CYP2C19: variants seen among roughly 807,000 people sequenced by gnomAD.
CYP2C19 encodes cytochrome P450 2C19.
In CYP2C19, 59 loss-of-function variants were observed where a neutral mutation model predicts 40.9. That is an observed-to-expected ratio of 1.44 (90% confidence interval 1.17 to 1.79). The LOEUF (loss-of-function observed/expected upper bound fraction) is 1.79. CYP2C19 is among the 40% of genes most tolerant of loss of function. The pLI, the probability that CYP2C19 is intolerant of heterozygous loss-of-function variation, is 0.00. For synonymous variants in CYP2C19, 253 were observed against 208.7 expected (o/e 1.21, Z -1.83); for missense variants, 754 against 596.9 (o/e 1.26, Z -2.74).
intron 1 of CYP2C19, among the ~76,000 whole-genome samples, chr10:94,766,482 G>A (rs984512437): frequency 3.3e-5 from 5 of 152,100 alleles, no homozygotes; most frequent in African/African-American, 1.2e-4. Flanking sequence ...CATCCCAGCA[G>A]GAGCTACAGT....
chr10:94,811,086 T>C (rs1397882790), intron 5 of CYP2C19, among the ~76,000 whole-genome samples: 4 of 152,208 alleles, frequency 2.6e-5, no homozygotes, highest in African/African-American at 9.6e-5. Context: ...CACTGTGTCC[T>C]TGTTCTCATT....
Position 94,820,502 on chromosome 10 carries a change from C to T in CYP2C19, c.826C>T (p.Gln276Ter). 2 of 1,614,084 alleles carry T rather than the reference C, an allele frequency of 1.2e-6. No homozygotes were observed. Among genetic ancestry groups the T allele is most frequent in the Non-Finnish European group, 1.7e-6 (2 of 1,179,996 alleles). ...CFLIKMEKEK[Q>*]NQQSEFTIEN... Reference sequence around the variant, plus strand: ...TGCATCAAATCATTCCTAGGAAAAGCAAAACCAACAGTCTGAATTCACTAT... The same window carrying T: ...TGCATCAAATCATTCCTAGGAAAAGTAAAACCAACAGTCTGAATTCACTAT... The change falls in exon 6 of 9, where the codon CAA (glutamine) becomes TAA (stop). Residue 276 changes from glutamine to a stop codon, truncating the protein, a stop_gained. Coordinates refer to ENST00000371321, the MANE Select transcript of CYP2C19 (RefSeq NM_000769.4). LOFTEE classifies it high-confidence loss of function.
At chr10:94,780,767 G>A in intron 4 of CYP2C19, 108 bp downstream of exon 4, 1 of 1,235,674 alleles carries the variant, frequency 8.1e-7, no homozygotes, top group Non-Finnish European at 1.2e-6. Context: ...GAATACTACA[G>A]TCTTGCCTAG....
At chr10:94,827,667 G>A (rs1366456609) in intron 6 of CYP2C19, among the ~76,000 whole-genome samples, 1 of 152,076 alleles carries the variant, frequency 6.6e-6, no homozygotes, top group Non-Finnish European at 1.5e-5. Context: ...CTTTCCTTCA[G>A]TTCTGCTTTG....
chr10:94,850,197 T>C, intron 8 of CYP2C19, 139 bp downstream of exon 8: 1 of 995,710 alleles, frequency 1.0e-6, no homozygotes, highest in East Asian at 2.5e-5. Context: ...ATGCCTGTGT[T>C]TTCTCCGCTG....
At chr10:94,801,418 A>T (rs1848763902) in intron 5 of CYP2C19, among the ~76,000 whole-genome samples, 1 of 152,290 alleles carries the variant, frequency 6.6e-6, no homozygotes, top group Middle Eastern at 3.4e-3. Flanking sequence ...TGAGTCTCTT[A>T]ATCCTGAGTT....
chr10:94,834,746 A>G (rs1397660374), intron 6 of CYP2C19, among the ~76,000 whole-genome samples: 1 of 152,180 alleles, frequency 6.6e-6, no homozygotes, highest in Non-Finnish European at 1.5e-5. Flanking sequence ...TTGCCTAATT[A>G]GCATTTTAGT....
intron 5 of CYP2C19, among the ~76,000 whole-genome samples, chr10:94,784,097 C>CT (rs1848511278): frequency 6.6e-6 from 1 of 152,126 alleles, no homozygotes; most frequent in Admixed American, 6.6e-5. Flanking sequence ...AACCTCTAAT[C>CT]TTTTTTCTGT....
intron 7 of CYP2C19, among the ~76,000 whole-genome samples, chr10:94,846,458 T>C (rs1376869241): frequency 1.3e-5 from 2 of 152,162 alleles, no homozygotes; most frequent in Non-Finnish European, 2.9e-5. Context: ...GCCAGATCTC[T>C]CCATTGAAGG....
chr10:94,784,345 C>A (rs1384128468), intron 5 of CYP2C19, among the ~76,000 whole-genome samples: 1 of 151,962 alleles, frequency 6.6e-6, no homozygotes, highest in Non-Finnish European at 1.5e-5. Context: ...TATAGATAAT[C>A]TTTCTTTAAC....
intron 8 of CYP2C19, 103 bp from the exon 9 acceptor site, chr10:94,852,625 CACCGA>C (rs1211207182): frequency 1.7e-6 from 2 of 1,204,968 alleles, no homozygotes; most frequent in Non-Finnish European, 2.4e-6. Context: ...TCCTATGATT[CACCGA>C]ACAGTTCTTG....
intron 7 of CYP2C19, among the ~76,000 whole-genome samples, chr10:94,844,679 A>C (rs749044205): frequency 3.9e-5 from 6 of 152,198 alleles, no homozygotes; most frequent in Non-Finnish European, 5.9e-5. Flanking sequence ...ATTTACCAAG[A>C]GATTATGGGG....
At chr10:94,791,853 G>T (rs1002890296) in intron 5 of CYP2C19, among the ~76,000 whole-genome samples, 1 of 152,150 alleles carries the variant, frequency 6.6e-6, no homozygotes, top group Non-Finnish European at 1.5e-5. Flanking sequence ...TTGATTTGGG[G>T]TGGAGAGTTC....
intron 6 of CYP2C19, among the ~76,000 whole-genome samples, chr10:94,831,799 A>G (rs1287892728): frequency 6.6e-6 from 1 of 152,188 alleles, no homozygotes; most frequent in Non-Finnish European, 1.5e-5. Flanking sequence ...TATTCTGGTT[A>G]TTAATCTCTT....
At chr10:94,837,516 C>T (rs1471653019) in intron 6 of CYP2C19, among the ~76,000 whole-genome samples, 2 of 152,096 alleles carry the variant, frequency 1.3e-5, no homozygotes, top group Admixed American at 6.5e-5. Context: ...GAATGTCTCT[C>T]CCTAACAGGG....
chr10:94,847,125 G>A (rs928411237), intron 7 of CYP2C19, among the ~76,000 whole-genome samples: 4 of 151,230 alleles, frequency 2.6e-5, no homozygotes, highest in African/African-American at 4.9e-5. Context: ...TGTGCACAAC[G>A]TGCAGGTTAG....
chr10:94,843,582 C>T (rs1849527285), intron 7 of CYP2C19, among the ~76,000 whole-genome samples: 1 of 152,108 alleles, frequency 6.6e-6, no homozygotes, highest in Non-Finnish European at 1.5e-5. Context: ...TATGTTGAAA[C>T]ATAATTAGTT....
chr10:94,795,625 G>A (rs1848673388), intron 5 of CYP2C19, among the ~76,000 whole-genome samples: 1 of 152,094 alleles, frequency 6.6e-6, no homozygotes, highest in Non-Finnish European at 1.5e-5. Flanking sequence ...CACCAACAGT[G>A]TAAAAGTGTT....
At position 94,852,756 on chromosome 10, in the gene CYP2C19, G is replaced by A; in HGVS notation, c.1315G>A (p.Gly439Ser). The change falls in exon 9 of 9, where the codon GGC (glycine) becomes AGC (serine). Residue 439 changes from glycine to serine, a missense_variant. By Grantham distance (56) the Gly-to-Ser change is moderately conservative. Coordinates refer to ENST00000371321, the MANE Select transcript of CYP2C19 (RefSeq NM_000769.4). ...AGGAAAACGGATTTGTGTGGGAGAG[G>A]GCCTGGCCCGCATGGAGCTGTTTTT... is the stretch of plus-strand genomic sequence containing the variant. Reference protein sequence around the residue: ...SAGKRICVGEGLARMELFLFL... With the variant: ...SAGKRICVGESLARMELFLFL... The A allele has an allele frequency of 1.2e-6, 2 of 1,613,956 alleles. No individual in the cohort carries two copies. The highest frequency in any genetic ancestry group is 2.2e-5 in the South Asian group (2 of 91,080).
Sources: gnomAD v4.1 joint callset for allele counts (sites outside exome capture counted in the v4.1 genomes callset) on GRCh38, gnomAD v4.1.1 for gene constraint, MANE v1.5 for transcripts, NCBI Gene and HGNC (gene_info 2026-07-23, HGNC 2026-07-21) for gene names.